Variants in HOOK1 observed in about 807,000 individuals in gnomAD.
HOOK1 encodes hook microtubule tethering protein 1.
A neutral mutation model predicts 112.8 loss-of-function variants in HOOK1; 60 were observed. The ratio of observed to expected loss-of-function variants is 0.53; its 90% CI spans 0.43 to 0.66. The LOEUF is 0.66. Among genes scored for constraint, HOOK1 ranks in the 30% least tolerant of loss-of-function variants. HOOK1 has a pLI of 0.00. For synonymous variants in HOOK1, 294 were observed against 283.8 expected (o/e 1.04, Z -0.36); for missense variants, 770 against 856.0 (o/e 0.90, Z 1.25).
At chr1:59,825,862 T>C (rs1172655558) in intron 2 of HOOK1, among the ~76,000 whole-genome samples, 2 of 152,030 alleles carry the variant, frequency 1.3e-5, no homozygotes, top group Non-Finnish European at 2.9e-5. Flanking sequence ...GATAGTTATG[T>C]GTACAGTATA....
chr1:59,875,729 G>C lies in HOOK1; in HGVS notation c.*2764G>C, dbSNP rs1471251543. 2 of 152,204 alleles carry C rather than the reference G, an allele frequency of 1.3e-5. No individual in the cohort carries two copies. The highest frequency in any genetic ancestry group is 2.9e-5 in the Non-Finnish European group (2 of 68,022). 9.4% of individuals were successfully genotyped at this position (152,204 alleles called of 1,614,324 possible). ...ATTCCTTTTCTTTTTAAGGTTAAGG[G>C]TGTGTACGTATGGCAGTGATGTCTA... On this transcript the variant is annotated 3_prime_UTR_variant, in exon 22 of 22. Transcript: ENST00000371208.
rs1432680148 is a variant in HOOK1 at position 59,858,497 on chromosome 1, G to A, written c.1312G>A (p.Asp438Asn). Residue 438 changes from aspartate to asparagine, a missense_variant, in exon 13 of 22, where the codon GAC becomes AAC. Physicochemically the swap from Asp to Asn is conservative, Grantham distance 23. Transcript: ENST00000371208. Reference sequence around the variant, plus strand: ...GCTTCGATGTTCACAAGTACAACAGGACCACCTAAACCAAACAGGTTAATT... The same window carrying A: ...GCTTCGATGTTCACAAGTACAACAGAACCACCTAAACCAAACAGGTTAATT... ...EELRCSQVQQDHLNQTDASAT... is the reference protein window; with the variant it reads ...EELRCSQVQQNHLNQTDASAT... 1 of 1,611,448 alleles carries A rather than the reference G, an allele frequency of 6.2e-7. No homozygotes were observed. The highest frequency in any genetic ancestry group is 1.3e-5 in the African/African-American group (1 of 74,830).
intron 12 of HOOK1, among the ~76,000 whole-genome samples, chr1:59,854,017 TA>T (rs2098408766): frequency 8.9e-5 from 2 of 22,520 alleles, no homozygotes; most frequent in African/African-American, 3.7e-4. Context: ...TATATATATA[TA>T]TATATATATA....
intron 11 of HOOK1, 57 bp downstream of exon 11, chr1:59,848,573 C>A: frequency 1.7e-6 from 2 of 1,203,328 alleles, no homozygotes; most frequent in Non-Finnish European, 2.4e-6. Flanking sequence ...CTTTGTTATT[C>A]CTTTTGATGT....
rs1644117482 is a variant in HOOK1, at chr1:59,875,484, G to A, written c.*2519G>A. On this transcript the variant is annotated 3_prime_UTR_variant, in exon 22 of 22. Transcript: ENST00000371208. The stretch of plus-strand genomic sequence containing the variant: ...TTTCCACATCTGGTTAATGTAGTGA[G>A]TTGACACCCTGTGGGTGGTAAAGCA... 6.6e-6 allele frequency: 1 copy of A among 152,598 alleles called. No homozygotes were observed. Among genetic ancestry groups the A allele is most frequent in the Admixed American group, 6.5e-5 (1 of 15,278 alleles). The allele number at this position is 152,598 out of a possible 1,614,324, so 9.5% of individuals were successfully genotyped here.
rs955836393 is a variant in HOOK1, at chr1:59,864,575, G to C, written c.1627-57G>C. 2.7e-6 allele frequency: 3 copies of C among 1,093,844 alleles called. No homozygotes were observed. The Admixed American group carries it at 5.6e-5, about 20-fold the overall frequency. The allele number at this position is 1,093,844 out of a possible 1,614,324, so 67.8% of individuals were successfully genotyped here. The stretch of plus-strand genomic sequence containing the variant: ...GGAGGTAAAGAGATTTCGATGTCTG[G>C]AAAATTGACCTTTGTCAAGATAGTC... On this transcript the variant is annotated intron_variant, in intron 16 of 21. Transcript: ENST00000371208.
At chr1:59,816,178 G>A (rs935360923) in intron 1 of HOOK1, among the ~76,000 whole-genome samples, 1 of 152,134 alleles carries the variant, frequency 6.6e-6, no homozygotes, top group Non-Finnish European at 1.5e-5. Flanking sequence ...AGATTCCCTA[G>A]TGATCTAATG....
chr1:59,822,087 G>A (rs2098386085), intron 2 of HOOK1, 144 bp downstream of exon 2: 1 of 664,102 alleles, frequency 1.5e-6, no homozygotes, highest in Non-Finnish European at 2.6e-6. Flanking sequence ...AGGCATTCTT[G>A]CAGGTAGGGA....
At chr1:59,828,986 T>C in intron 3 of HOOK1, 134 bp downstream of exon 3, 2 of 640,880 alleles carry the variant, frequency 3.1e-6, no homozygotes, top group Non-Finnish European at 5.4e-6. Context: ...AACACATGTA[T>C]TCTCTCATGT....
intron 15 of HOOK1, among the ~76,000 whole-genome samples, chr1:59,860,905 AT>A (rs1382380813): frequency 2.0e-5 from 3 of 151,222 alleles, no homozygotes; most frequent in Non-Finnish European, 2.9e-5. Flanking sequence ...TCCCAAGTAG[AT>A]GGGACTATAG....
intron 15 of HOOK1, 72 bp from the exon 16 acceptor site, chr1:59,862,712 A>G (rs1434587221): frequency 9.5e-6 from 8 of 841,666 alleles, no homozygotes; most frequent in Non-Finnish European, 1.6e-5. Context: ...TGCTAACTGA[A>G]TGTACCTTTG....
Position 59,835,218 on chromosome 1 carries a change from A to G in HOOK1, c.407-127A>G. On this transcript the variant is annotated intron_variant, in intron 5 of 21. Transcript: ENST00000371208. ...GTGAGGAAGGAAGACATACTGGTGG[A>G]CAAATAATGTATTTACATAAAGGAT... The G allele has an allele frequency of 6.2e-6, 4 of 650,278 alleles. No homozygotes were observed. The African/African-American group carries it at 7.6e-5, about 12-fold the overall frequency. 40.3% of individuals were successfully genotyped at this position (650,278 alleles called of 1,614,324 possible).
chr1:59,834,494 G>A (rs2098396182), intron 5 of HOOK1, among the ~76,000 whole-genome samples: 1 of 152,092 alleles, frequency 6.6e-6, no homozygotes, highest in Admixed American at 6.6e-5. Flanking sequence ...GGACAAGCCA[G>A]TACTTCTCTG....
At chr1:59,868,229 A>G (rs762288891) in intron 19 of HOOK1, 21 bp from the exon 20 acceptor site, 13 of 1,217,156 alleles carry the variant, frequency 1.1e-5, no homozygotes, top group Non-Finnish European at 1.5e-5. Context: ...AAGTGAACAT[A>G]GTATTTTTTT....
chr1:59,860,132 G>T, intron 14 of HOOK1, 56 bp from the exon 15 acceptor site: 1 of 1,363,800 alleles, frequency 7.3e-7, no homozygotes, highest in Non-Finnish European at 9.8e-7. Flanking sequence ...TTTAACTAAA[G>T]AATATAATGA....
At chr1:59,855,966 T>TCTATA (rs1553464155) in intron 12 of HOOK1, among the ~76,000 whole-genome samples, 1 of 71,260 alleles carries the variant, frequency 1.4e-5, no homozygotes, top group African/African-American at 6.6e-5. Context: ...ATATAAATTA[T>TCTATA]TATATATATA....
intron 7 of HOOK1, among the ~76,000 whole-genome samples, chr1:59,839,303 C>T (rs1421651836): frequency 6.6e-6 from 1 of 152,146 alleles, no homozygotes; most frequent in Non-Finnish European, 1.5e-5. Context: ...TGGCCATTTT[C>T]ACAATATTGA....
chr1:59,850,779 T>C (rs530451846), intron 12 of HOOK1, among the ~76,000 whole-genome samples: 24 of 151,550 alleles, frequency 1.6e-4, no homozygotes, highest in African/African-American at 5.3e-4. Flanking sequence ...TAACAGTGTA[T>C]CAGCATTGGC....
intron 7 of HOOK1, among the ~76,000 whole-genome samples, chr1:59,837,850 C>T (rs1293496864): frequency 6.6e-6 from 1 of 152,034 alleles, no homozygotes; most frequent in Non-Finnish European, 1.5e-5. Context: ...TTCCTAGCCC[C>T]CCACCCCCCA....
Sources: allele counts gnomAD v4.1 joint callset (sites outside exome capture counted in the v4.1 genomes callset), GRCh38; gene constraint gnomAD v4.1.1; transcripts MANE v1.5; gene names NCBI Gene and HGNC (gene_info 2026-07-23, HGNC 2026-07-21).